The following GRIN2B variants were observed in gnomAD, a reference collection of about 807,000 sequenced individuals.
The protein encoded by GRIN2B is glutamate ionotropic receptor NMDA type subunit 2B.
In GRIN2B, 5 loss-of-function variants were observed where a neutral mutation model predicts 114.5. The ratio of observed to expected loss-of-function variants is 0.04; its 90% CI spans 0.02 to 0.09. GRIN2B has a LOEUF of 0.09. Ranked by LOEUF, GRIN2B falls within the 10% of genes least tolerant of loss-of-function variation. The pLI is 1.00. For missense variants in GRIN2B, 1,108 were observed against 1,943.5 expected (o/e 0.57, Z 8.08); for synonymous variants, 787 against 745.1 (o/e 1.06, Z -0.92).
chr12:13,539,613 G>T lies in GRIN2B; in HGVS notation c.*23170C>A, dbSNP rs1393281682. The T allele has an allele frequency of 6.6e-6, 1 of 150,936 alleles. No homozygotes were observed. The highest frequency in any genetic ancestry group is 1.5e-5 in the Non-Finnish European group (1 of 67,930). The allele number at this position is 150,936 out of a possible 1,614,324, so 9.3% of individuals were successfully genotyped here. Reference sequence around the variant, plus strand: ...TGACACCTCCAAGCAATGGAAGTATGCATTAAAGAGTAAAACAATTACCAA... The same window carrying T: ...TGACACCTCCAAGCAATGGAAGTATTCATTAAAGAGTAAAACAATTACCAA... On this transcript the variant is annotated 3_prime_UTR_variant, in exon 14 of 14. Transcript: ENST00000609686.
At chr12:13,952,717 G>A (rs976566264) in intron 2 of GRIN2B, among the ~76,000 whole-genome samples, 10 of 151,978 alleles carry the variant, frequency 6.6e-5, no homozygotes, top group African/African-American at 2.4e-4. Flanking sequence ...CCCAGGAGCT[G>A]GGCATGAAAA....
chr12:13,772,311 T>C (rs7298760), intron 3 of GRIN2B, among the ~76,000 whole-genome samples: 3,308 of 152,286 alleles, frequency 0.022, 113 homozygotes, highest in African/African-American at 0.075. Flanking sequence ...TCTTCCCATG[T>C]GAAAATCTAG....
rs5796560 is a variant in GRIN2B at position 13,758,998 on chromosome 12, A to ATTTTTT, written c.412-5089_412-5084dup. 1.2e-4 allele frequency among the ~76,000 whole-genome samples: 10 copies of ATTTTTT among 85,624 alleles called. 1 individual carries two copies. The highest frequency in any genetic ancestry group is 3.4e-4 in the African/African-American group (7 of 20,374). The allele number at this position is 85,624 out of a possible 152,430, so 56.2% of individuals were successfully genotyped here. A position where few individuals can be genotyped will look rare whatever the true frequency, so the allele number is the denominator to read the frequency against. On this transcript the variant is annotated intron_variant, in intron 3 of 13. Coordinates refer to ENST00000609686, the MANE Select transcript of GRIN2B (RefSeq NM_000834.5). Reference sequence around the variant, plus strand: ...GAATTTGATGATCTCATCTAGTTCAATTTTTTTTTTTTTTTTTTTTTTTTT... The same window carrying ATTTTTT: ...GAATTTGATGATCTCATCTAGTTCAATTTTTTTTTTTTTTTTTTTTTTTTTTTTTTT...
At chr12:13,568,823 T>C (rs183088688) in intron 12 of GRIN2B, among the ~76,000 whole-genome samples, 4 of 152,320 alleles carry the variant, frequency 2.6e-5, no homozygotes, top group African/African-American at 9.6e-5. Context: ...AGGAATATAA[T>C]GAAACAGAAG....
At chr12:13,744,594 G>C (rs191279422) in intron 4 of GRIN2B, among the ~76,000 whole-genome samples, 7 of 152,248 alleles carry the variant, frequency 4.6e-5, no homozygotes, top group Admixed American at 2.0e-4. Context: ...GAAAGAAAGA[G>C]GGTGGGGTGT....
At chr12:13,855,155 C>T (rs939893158) in intron 3 of GRIN2B, among the ~76,000 whole-genome samples, 1 of 151,344 alleles carries the variant, frequency 6.6e-6, no homozygotes. Flanking sequence ...GAGGCAAAGG[C>T]TTCAGTGAGC....
intron 3 of GRIN2B, among the ~76,000 whole-genome samples, chr12:13,786,112 C>G (rs553805579): frequency 1.3e-5 from 2 of 152,232 alleles, no homozygotes; most frequent in Admixed American, 1.3e-4. Flanking sequence ...TCCAGTAAAG[C>G]TTGAGAGTTT....
intron 2 of GRIN2B, among the ~76,000 whole-genome samples, chr12:13,939,476 C>T (rs1867195024): frequency 6.6e-6 from 1 of 151,174 alleles, no homozygotes; most frequent in South Asian, 2.1e-4. Context: ...CCTGTTTCCC[C>T]TTCACCTTCT....
At chr12:13,689,596 T>C (rs1950198588) in intron 4 of GRIN2B, among the ~76,000 whole-genome samples, 2 of 152,188 alleles carry the variant, frequency 1.3e-5, no homozygotes, top group Non-Finnish European at 2.9e-5. Flanking sequence ...CCCTTTGCCT[T>C]ATATCATTGC....
chr12:13,603,697 G>C (rs773454304), intron 10 of GRIN2B, among the ~76,000 whole-genome samples: 12 of 151,920 alleles, frequency 7.9e-5, no homozygotes, highest in Non-Finnish European at 1.3e-4. Context: ...TGGAATCAAG[G>C]CATTACATTA....
chr12:13,791,887 C>G (rs947344332), intron 3 of GRIN2B, among the ~76,000 whole-genome samples: 1 of 152,142 alleles, frequency 6.6e-6, no homozygotes, highest in Non-Finnish European at 1.5e-5. Flanking sequence ...GCTGATCTAT[C>G]GAACATCAGG....
chr12:13,875,311 G>A lies in GRIN2B; in HGVS notation c.-18-9085C>T, dbSNP rs891238751. Among the ~76,000 whole-genome samples, 5 of 152,262 alleles carry A rather than the reference G, an allele frequency of 3.3e-5. No homozygotes were observed. The South Asian group carries it at 8.3e-4, about 25-fold the overall frequency. Reference sequence around the variant, plus strand: ...TGAGAGGCCAAGGTGGGTGGATCACGAGGTCAAGAGATCGAGACCATCCTG... The same window carrying A: ...TGAGAGGCCAAGGTGGGTGGATCACAAGGTCAAGAGATCGAGACCATCCTG... On this transcript the variant is annotated intron_variant, in intron 2 of 13. Transcript: ENST00000609686.
At chr12:13,969,852 G>A (rs778072292) in intron 2 of GRIN2B, among the ~76,000 whole-genome samples, 2 of 152,188 alleles carry the variant, frequency 1.3e-5, no homozygotes, top group African/African-American at 2.4e-5. Context: ...ATAAAAAGGA[G>A]AGGTTGAGAA....
At chr12:13,659,475 A>G (rs1444306215) in intron 5 of GRIN2B, among the ~76,000 whole-genome samples, 4 of 152,144 alleles carry the variant, frequency 2.6e-5, no homozygotes, top group Non-Finnish European at 4.4e-5. Flanking sequence ...GAGAAGTCAT[A>G]ATCACATCAC....
chr12:13,711,620 A>G (rs1340443167), intron 4 of GRIN2B, among the ~76,000 whole-genome samples: 1 of 152,174 alleles, frequency 6.6e-6, no homozygotes, highest in Non-Finnish European at 1.5e-5. Flanking sequence ...CAAAAGACAC[A>G]TGAAAAAATG....
intron 4 of GRIN2B, among the ~76,000 whole-genome samples, chr12:13,710,354 A>C (rs2136579575): frequency 6.6e-6 from 1 of 152,240 alleles, no homozygotes; most frequent in South Asian, 2.1e-4. Flanking sequence ...CTCCTATTCA[A>C]CATAGTGTTG....
intron 3 of GRIN2B, among the ~76,000 whole-genome samples, chr12:13,808,530 T>C (rs970102736): frequency 3.4e-5 from 5 of 148,560 alleles, no homozygotes; most frequent in African/African-American, 1.2e-4. Flanking sequence ...CACTCATAGG[T>C]GGGAATTGAA....
At chr12:13,873,906 C>G (rs918702619) in intron 2 of GRIN2B, among the ~76,000 whole-genome samples, 19 of 152,084 alleles carry the variant, frequency 1.2e-4, no homozygotes, top group Non-Finnish European at 2.9e-5. Context: ...AAAATCAAAA[C>G]CTTCATTAAA....
chr12:13,694,438 T>A (rs1251150595), intron 4 of GRIN2B, among the ~76,000 whole-genome samples: 1 of 151,854 alleles, frequency 6.6e-6, no homozygotes, highest in Non-Finnish European at 1.5e-5. Context: ...TCATCATTCT[T>A]CTCAAGCACT....
Sources: allele counts gnomAD v4.1 joint callset (sites outside exome capture counted in the v4.1 genomes callset), GRCh38; gene constraint gnomAD v4.1.1; transcripts MANE v1.5; gene names NCBI Gene and HGNC (gene_info 2026-07-23, HGNC 2026-07-21).